Variants in ATR observed in about 807,000 individuals in gnomAD.
ATR encodes the protein ATR checkpoint kinase, also known as serine/threonine-protein kinase ATR.
ATR carries 142 observed loss-of-function variants against 305.3 expected under a neutral mutation model. The ratio of observed to expected loss-of-function variants is 0.47; its 90% CI spans 0.41 to 0.53. The LOEUF (loss-of-function observed/expected upper bound fraction) is 0.53, where lower values mean the gene tolerates loss of function less well. ATR is among the 20% of genes least tolerant of loss of function. ATR has a pLI of 0.00. For missense variants in ATR, 2,135 were observed against 3,133.1 expected, an observed-to-expected ratio of 0.68 and a Z score of 7.60; for synonymous variants, 1,050 against 1,068.1, an observed-to-expected ratio of 0.98 and a Z score of 0.33.
In ATR at chr3:142,561,288, C is replaced by G. The variant is rs2108485125; in HGVS notation, c.1304G>C (p.Ser435Thr). Residue 435 changes from serine (S) to threonine (T), a missense_variant, in exon 5 of 47, where the codon AGC becomes ACC. Ser to Thr is a moderately conservative substitution (Grantham distance 58, BLOSUM62 1). Around this residue, in one of 9 missense-constraint regions of ATR, gnomAD observed 744 missense variants for 873.2 expected, o/e 0.85. Coordinates refer to ENST00000350721, the MANE Select transcript of ATR (RefSeq NM_001184.4). ...DGISPKRRRL[S>T]SSLNPSKRAP... ...TCTTTTAGAAGGGTTTAGAGACGAG[C>G]TGAGACGACGCCTTTTGGGTGATAT... 1.2e-6 allele frequency: 2 copies of G among 1,614,112 alleles called. No individual in the cohort carries two copies. The highest frequency in any genetic ancestry group is 1.7e-6 in the Non-Finnish European group (2 of 1,180,004).
At chr3:142,573,951 G>T (rs997681529) in intron 1 of ATR, among the ~76,000 whole-genome samples, 2 of 152,274 alleles carry the variant, frequency 1.3e-5, no homozygotes, top group East Asian at 3.9e-4. Flanking sequence ...GACAAAGTCA[G>T]GAGACATTAT....
intron 25 of ATR, 89 bp from the exon 26 acceptor site, chr3:142,513,727 G>A (rs924858061): frequency 3.4e-5 from 44 of 1,288,100 alleles, no homozygotes; most frequent in East Asian, 5.0e-5. Flanking sequence ...TATCACAAAC[G>A]AGTATTCATT....
intron 32 of ATR, among the ~76,000 whole-genome samples, chr3:142,497,770 T>G (rs904492275): frequency 6.6e-6 from 1 of 151,998 alleles, no homozygotes; most frequent in African/African-American, 2.4e-5. Flanking sequence ...TAAACCAACA[T>G]GAGGTATTTG....
rs553004887 is a variant in ATR at position 142,463,333 on chromosome 3, T to G, written c.7042-1243A>C. Among the ~76,000 whole-genome samples, 10 of 152,292 alleles carry G rather than the reference T, an allele frequency of 6.6e-5. No homozygotes were observed. The East Asian group carries it at 1.9e-3, about 29-fold the overall frequency. On this transcript the variant is annotated intron_variant, in intron 41 of 46. Coordinates refer to ENST00000350721, the MANE Select transcript of ATR (RefSeq NM_001184.4). ...GATACTCAGAAAAACTCAGGGAGCT[T>G]TGGAGAGAACATACTAATGGTTCAG...
chr3:142,475,852 T>G (rs1191935762), intron 36 of ATR, among the ~76,000 whole-genome samples: 1 of 152,236 alleles, frequency 6.6e-6, no homozygotes, highest in Non-Finnish European at 1.5e-5. Flanking sequence ...TGGCCAGTGA[T>G]GATGAGCATT....
In ATR at chr3:142,576,968, T is replaced by C. The variant is rs538975745; in HGVS notation, c.59+1678A>G. ...GGAAACATTTTGGAAGAAAAGGCCT[T>C]GAAAGCTTGAATCTGAAACCTAGCT... On this transcript the variant is annotated intron_variant, in intron 1 of 46. Transcript: ENST00000350721. Among the ~76,000 whole-genome samples, 5 of 152,304 alleles carry C rather than the reference T, an allele frequency of 3.3e-5. No homozygotes were observed. The South Asian group carries it at 1.0e-3, about 32-fold the overall frequency.
chr3:142,566,007 T>C (rs2035058462), intron 3 of ATR, 114 bp downstream of exon 3: 10 of 1,426,028 alleles, frequency 7.0e-6, no homozygotes, highest in Non-Finnish European at 8.9e-6. Flanking sequence ...CTTCAATTTA[T>C]AGCAAAGCTG....
At chr3:142,450,879 C>T in intron 46 of ATR, 1 of 1,302,534 alleles carries the variant, frequency 7.7e-7, no homozygotes, top group African/African-American at 1.5e-5. Context: ...CAGACAGATA[C>T]CAATACGGTG....
intron 36 of ATR, among the ~76,000 whole-genome samples, chr3:142,484,586 C>T (rs2030785370): frequency 6.6e-6 from 1 of 152,070 alleles, no homozygotes; most frequent in Non-Finnish European, 1.5e-5. Flanking sequence ...AAAATGTTTC[C>T]CTGAGTTCTG....
chr3:142,535,658 C>T (rs574196357), intron 20 of ATR, among the ~76,000 whole-genome samples: 1 of 152,234 alleles, frequency 6.6e-6, no homozygotes, highest in South Asian at 2.1e-4. Context: ...AGAGAGCTCA[C>T]TAAGATTTAA....
At chr3:142,541,103 G>A (rs1040371446) in intron 17 of ATR, 69 bp from the exon 18 acceptor site, 205 of 1,563,340 alleles carry the variant, frequency 1.3e-4, no homozygotes, top group Non-Finnish European at 3.9e-5. Context: ...GAGCCCTAAG[G>A]ACAAGTGCTT....
chr3:142,476,735 G>A (rs539402160), intron 36 of ATR, among the ~76,000 whole-genome samples: 1 of 152,152 alleles, frequency 6.6e-6, no homozygotes, highest in Non-Finnish European at 1.5e-5. Flanking sequence ...AGCATGGAAT[G>A]TTCTTCCATT....
rs138061993 is a variant in ATR at position 142,550,162 on chromosome 3, G to A, written c.2946C>T (p.Phe982=). The change falls in exon 14 of 47, where the codon TTC becomes TTT. Residue 982 remains phenylalanine, a synonymous_variant. Coordinates refer to ENST00000350721, the MANE Select transcript of ATR (RefSeq NM_001184.4). ...GAAAACGATTAAGATCAGGAAAGTC[G>A]AAAACGTTGGCAATTTCAGACAACG... ...LNTLSEIANV[F]DFPDLNRFLT... 2.2e-4 allele frequency: 353 copies of A among 1,614,120 alleles called. 1 individual carries two copies. The highest frequency in any genetic ancestry group is 2.2e-4 in the Non-Finnish European group (256 of 1,180,012).
At chr3:142,547,029 T>G (rs1453600537) in intron 16 of ATR, among the ~76,000 whole-genome samples, 2 of 152,212 alleles carry the variant, frequency 1.3e-5, no homozygotes, top group Non-Finnish European at 2.9e-5. Flanking sequence ...CAAAAAAAAT[T>G]TGCAACCTCT....
intron 28 of ATR, 66 bp downstream of exon 28, chr3:142,507,865 C>T: frequency 7.1e-7 from 1 of 1,407,712 alleles, no homozygotes; most frequent in Non-Finnish European, 9.9e-7. Context: ...ATAAAATGAA[C>T]AACATAAACA....
chr3:142,469,701 C>T, intron 37 of ATR, 132 bp from the exon 38 acceptor site: 3 of 741,918 alleles, frequency 4.0e-6, no homozygotes, highest in Non-Finnish European at 6.6e-6. Context: ...AAGGTTAGGT[C>T]ACTTGCCAAT....
At chr3:142,549,797 A>C in intron 14 of ATR, 124 bp from the exon 15 acceptor site, 2 of 843,972 alleles carry the variant, frequency 2.4e-6, no homozygotes, top group Non-Finnish European at 3.8e-6. Context: ...CATACTATAA[A>C]ATATGTAATA....
In ATR at chr3:142,566,107, A is replaced by G; in HGVS notation, c.292+14T>C. 1 of 1,614,118 alleles carries G rather than the reference A, an allele frequency of 6.2e-7. No homozygotes were observed. The highest frequency in any genetic ancestry group is 8.5e-7 in the Non-Finnish European group (1 of 1,179,960). ...GAACAGATGGCAAGTGAATGCATGA[A>G]TAACAGCACTTACCAATACAACTGC... On this transcript the variant is annotated intron_variant, in intron 3 of 46. Transcript: ENST00000350721.
At chr3:142,563,390 T>G (rs1291611281) in intron 3 of ATR, among the ~76,000 whole-genome samples, 1 of 152,238 alleles carries the variant, frequency 6.6e-6, no homozygotes, top group East Asian at 1.9e-4. Context: ...ACTTCATGTC[T>G]CTGTATCACA....
Sources: allele counts gnomAD v4.1 joint callset (sites outside exome capture counted in the v4.1 genomes callset), GRCh38; gene constraint gnomAD v4.1.1; regional missense constraint gnomAD v4.1.1; transcripts MANE v1.5; gene names NCBI Gene and HGNC (gene_info 2026-07-23, HGNC 2026-07-21).